Variants in LARP1B observed in about 807,000 individuals in gnomAD.
The protein encoded by LARP1B is La ribonucleoprotein 1B.
LARP1B carries 76 observed loss-of-function variants against 114.2 expected under a neutral mutation model. The observed-to-expected ratio is 0.67, with a 90% CI of 0.55 to 0.81. The LOEUF is 0.81. Ranked by LOEUF, LARP1B falls within the 30% of genes least tolerant of loss-of-function variation. LARP1B has a pLI of 0.00. For missense variants in LARP1B, 1,014 were observed against 1,075.8 expected (o/e 0.94, Z 0.80); for synonymous variants, 345 against 348.0 (o/e 0.99, Z 0.10).
At chr4:128,186,945 G>C (rs9790488) in intron 15 of LARP1B, among the ~76,000 whole-genome samples, 25,534 of 152,130 alleles carry the variant, frequency 0.17, 2,996 homozygotes, top group East Asian at 0.47. Context: ...ACCTTGGCAG[G>C]TTCCATGTGG....
At chr4:128,143,398 G>T (rs547517707) in intron 11 of LARP1B, among the ~76,000 whole-genome samples, 2 of 152,304 alleles carry the variant, frequency 1.3e-5, no homozygotes, top group South Asian at 2.1e-4. Context: ...CTCTGCCAGG[G>T]ATTCATTCAT....
intron 11 of LARP1B, chr4:128,156,159 C>G (rs1735529498): frequency 1.2e-6 from 2 of 1,610,644 alleles, no homozygotes; most frequent in Non-Finnish European, 8.5e-7. Context: ...GCAGCGGAGA[C>G]CCATCCTCTG....
intron 3 of LARP1B, among the ~76,000 whole-genome samples, chr4:128,076,566 A>C (rs1032723547): frequency 2.0e-5 from 3 of 152,318 alleles, no homozygotes; most frequent in Admixed American, 2.0e-4. Context: ...AAACTGCTAT[A>C]TGAACGTTTG....
At chr4:128,193,452 T>G (rs1752943958) in intron 15 of LARP1B, among the ~76,000 whole-genome samples, 1 of 152,158 alleles carries the variant, frequency 6.6e-6, no homozygotes, top group Non-Finnish European at 1.5e-5. Context: ...CTTTTTAAAT[T>G]GTTAGAATAA....
At chr4:128,185,692 A>G (rs557265355) in intron 15 of LARP1B, among the ~76,000 whole-genome samples, 30 of 152,150 alleles carry the variant, frequency 2.0e-4, no homozygotes, top group African/African-American at 7.2e-4. Context: ...TTTGCTTGAT[A>G]TAATCTCATT....
At chr4:128,167,562 C>G (rs1345295166) in intron 12 of LARP1B, among the ~76,000 whole-genome samples, 1 of 151,896 alleles carries the variant, frequency 6.6e-6, no homozygotes, top group Non-Finnish European at 1.5e-5. Context: ...GCAGAAGCAG[C>G]TTTTTCATTT....
intron 15 of LARP1B, among the ~76,000 whole-genome samples, chr4:128,182,395 C>T (rs1748845237): frequency 6.6e-6 from 1 of 152,118 alleles, no homozygotes; most frequent in African/African-American, 2.4e-5. Context: ...CAGACATGAA[C>T]CACCATGCCC....
At chr4:128,177,024 A>G (rs1357022472) in intron 13 of LARP1B, 117 bp downstream of exon 13, 35 of 921,262 alleles carry the variant, frequency 3.8e-5, no homozygotes, top group Non-Finnish European at 6.1e-5. Flanking sequence ...GATATGGAAC[A>G]AGGAACAGGA....
intron 12 of LARP1B, among the ~76,000 whole-genome samples, chr4:128,166,917 T>G (rs1196133866): frequency 6.8e-6 from 1 of 147,984 alleles, no homozygotes; most frequent in Non-Finnish European, 1.5e-5. Flanking sequence ...TTTAAAGGCT[T>G]AATTATATTC....
chr4:128,098,769 T>TATATG (rs1561201033), intron 8 of LARP1B, among the ~76,000 whole-genome samples: 1 of 14,432 alleles, frequency 6.9e-5, no homozygotes, highest in African/African-American at 2.7e-4. Context: ...ATATATATAT[T>TATATG]TTTTTTTTTT....
At chr4:128,118,682 G>A (rs534074368) in intron 10 of LARP1B, among the ~76,000 whole-genome samples, 2 of 151,830 alleles carry the variant, frequency 1.3e-5, no homozygotes, top group East Asian at 3.9e-4. Flanking sequence ...TGGGCCTTGG[G>A]TGTTTAAAAA....
intron 15 of LARP1B, among the ~76,000 whole-genome samples, chr4:128,193,610 TTTTTTA>T (rs1205016675): frequency 6.6e-6 from 1 of 152,088 alleles, no homozygotes; most frequent in African/African-American, 2.4e-5. Flanking sequence ...TTTATTTTAT[TTTTTTA>T]TTTTTATTTT....
intron 8 of LARP1B, among the ~76,000 whole-genome samples, chr4:128,103,750 C>T (rs765167563): frequency 1.5e-4 from 23 of 151,792 alleles, no homozygotes; most frequent in Non-Finnish European, 2.6e-4. Context: ...TTAGTAGAGA[C>T]GGGTTTTTGC....
chr4:128,182,795 G>C (rs1749010808), intron 15 of LARP1B, among the ~76,000 whole-genome samples: 1 of 152,182 alleles, frequency 6.6e-6, no homozygotes, highest in African/African-American at 2.4e-5. Flanking sequence ...AAGTTTTTGA[G>C]GGAAATTAAA....
intron 1 of LARP1B, chr4:128,061,962 C>T: frequency 8.1e-6 from 8 of 985,204 alleles, no homozygotes; most frequent in Non-Finnish European, 8.4e-6. Context: ...CTGCACCTGG[C>T]GCACAAGGCG....
downstream of LARP1B, among the ~76,000 whole-genome samples, chr4:128,214,253 C>A (rs960444008): frequency 2.0e-5 from 3 of 147,720 alleles, no homozygotes; most frequent in East Asian, 2.0e-4. Context: ...CCCAGGCTTG[C>A]TTAGGTAAAC....
chr4:128,073,793 G>T (rs1435047351), intron 1 of LARP1B, among the ~76,000 whole-genome samples: 2 of 151,496 alleles, frequency 1.3e-5, no homozygotes, highest in Non-Finnish European at 2.9e-5. Flanking sequence ...GTTTCACCAT[G>T]TTGGCCAGGC....
At position 128,178,562 on chromosome 4, in the gene LARP1B, C is replaced by T. The variant is rs779818309; in HGVS notation, c.1816C>T (p.Arg606Ter). 3.1e-6 allele frequency: 5 copies of T among 1,613,988 alleles called. No individual in the cohort carries two copies. Among genetic ancestry groups the T allele is most frequent in the South Asian group, 1.1e-5 (1 of 91,072 alleles). The change falls in exon 14 of 20, where the codon CGA (arginine) becomes TGA (stop). Residue 606 changes from arginine to a stop codon, truncating the protein, a stop_gained. Coordinates refer to ENST00000326639, the MANE Select transcript of LARP1B (RefSeq NM_018078.4). LOFTEE classifies it high-confidence loss of function. ...IHPTRTPKTP[R>*]TPRLQDPNKT... ...TCCTACAAGAACACCCAAAACACCT[C>T]GAACACCTAGGTTACAAGATCCTAA...
intron 17 of LARP1B, among the ~76,000 whole-genome samples, 198 bp downstream of exon 17, chr4:128,200,863 C>T (rs1454576991): frequency 6.6e-6 from 1 of 152,110 alleles, no homozygotes; most frequent in Non-Finnish European, 1.5e-5. Flanking sequence ...TTCTGCATTG[C>T]AAATTACCCC....
Sources: gnomAD v4.1 joint callset for allele counts (sites outside exome capture counted in the v4.1 genomes callset) on GRCh38, gnomAD v4.1.1 for gene constraint, MANE v1.5 for transcripts, NCBI Gene and HGNC (gene_info 2026-07-23, HGNC 2026-07-21) for gene names.